Variants in ARL8B observed in about 807,000 individuals in gnomAD.
ARL8B encodes the protein ARF like GTPase 8B.
In ARL8B, 9 loss-of-function variants were observed where a neutral mutation model predicts 30.6. The observed-to-expected ratio is 0.29, with a 90% CI of 0.18 to 0.51. The LOEUF (loss-of-function observed/expected upper bound fraction) is 0.51. Among genes scored for constraint, ARL8B ranks in the 20% least tolerant of loss-of-function variants. The pLI is 0.97. For synonymous variants in ARL8B, 74 were observed against 76.0 expected (o/e 0.97, Z 0.14); for missense variants, 130 against 227.2 (o/e 0.57, Z 2.75).
At chr3:5,141,284 A>G (rs1476872340) in intron 1 of ARL8B, among the ~76,000 whole-genome samples, 1 of 152,044 alleles carries the variant, frequency 6.6e-6, no homozygotes. Flanking sequence ...TTTTCTCACA[A>G]ATTTCCTTCC....
intron 1 of ARL8B, among the ~76,000 whole-genome samples, chr3:5,160,633 C>T (rs560664742): frequency 1.3e-5 from 2 of 152,124 alleles, no homozygotes; most frequent in Non-Finnish European, 2.9e-5. Context: ...AGAATTGGAA[C>T]GACAGCATGT....
intron 1 of ARL8B, among the ~76,000 whole-genome samples, chr3:5,135,989 T>C (rs1267029519): frequency 1.3e-5 from 2 of 151,416 alleles, no homozygotes; most frequent in South Asian, 2.1e-4. Flanking sequence ...GGTTTCACCA[T>C]GTTGCCCAGG....
intron 1 of ARL8B, among the ~76,000 whole-genome samples, chr3:5,131,229 G>C (rs962673179): frequency 6.6e-6 from 1 of 151,642 alleles, no homozygotes; most frequent in Non-Finnish European, 1.5e-5. Context: ...AGCTCATTTT[G>C]TCCGGAGAAT....
chr3:5,163,699 G>A (rs1249239356), intron 1 of ARL8B, among the ~76,000 whole-genome samples: 1 of 152,082 alleles, frequency 6.6e-6, no homozygotes, highest in Non-Finnish European at 1.5e-5. Context: ...GCGAAACCCC[G>A]TCTCTACTAA....
At chr3:5,131,132 C>G (rs1310182346) in intron 1 of ARL8B, among the ~76,000 whole-genome samples, 1 of 151,970 alleles carries the variant, frequency 6.6e-6, no homozygotes, top group Non-Finnish European at 1.5e-5. Flanking sequence ...AGGCTGGTGT[C>G]AAACTCCTGT....
intron 6 of ARL8B, among the ~76,000 whole-genome samples, chr3:5,175,435 T>C (rs2054721169): frequency 6.6e-6 from 1 of 152,234 alleles, no homozygotes; most frequent in South Asian, 2.1e-4. Context: ...ATGGCATTTT[T>C]GAAATAAGAC....
At chr3:5,131,547 T>C (rs2054284127) in intron 1 of ARL8B, among the ~76,000 whole-genome samples, 1 of 151,920 alleles carries the variant, frequency 6.6e-6, no homozygotes, top group African/African-American at 2.4e-5. Flanking sequence ...CACGCCACCA[T>C]GGCCAGATAA....
intron 1 of ARL8B, among the ~76,000 whole-genome samples, chr3:5,141,315 G>T (rs1057503680): frequency 2.6e-5 from 4 of 152,084 alleles, no homozygotes; most frequent in African/African-American, 9.7e-5. Flanking sequence ...ACTTCCTTTG[G>T]TCTCATTTTC....
intron 1 of ARL8B, among the ~76,000 whole-genome samples, chr3:5,138,193 T>G (rs1259997548): frequency 1.3e-4 from 20 of 151,714 alleles, no homozygotes; most frequent in Admixed American, 4.6e-4. Context: ...GCTCTAAGTT[T>G]TTTTTTTTTT....
At chr3:5,133,707 C>A (rs1453501757) in intron 1 of ARL8B, among the ~76,000 whole-genome samples, 1 of 152,058 alleles carries the variant, frequency 6.6e-6, no homozygotes, top group Non-Finnish European at 1.5e-5. Context: ...GGGTGTGGAT[C>A]CTTTGAGCTC....
intron 1 of ARL8B, among the ~76,000 whole-genome samples, chr3:5,134,923 C>G (rs995846654): frequency 6.6e-6 from 1 of 152,234 alleles, no homozygotes; most frequent in Non-Finnish European, 1.5e-5. Flanking sequence ...TCTCAGCTCA[C>G]TGCAACCTCC....
chr3:5,166,214 ATTT>A (rs2054622492), intron 1 of ARL8B, among the ~76,000 whole-genome samples: 1 of 151,352 alleles, frequency 6.6e-6, no homozygotes, highest in South Asian at 2.1e-4. Context: ...TAATTTTTGT[ATTT>A]TTAGTACAGA....
chr3:5,129,704 G>A (rs60156256), intron 1 of ARL8B, among the ~76,000 whole-genome samples: 19,724 of 151,674 alleles, frequency 0.13, 1,462 homozygotes, highest in East Asian at 0.26. Flanking sequence ...ATGTCACTAC[G>A]CCTGGCTAAT....
At chr3:5,126,754 T>C (rs955252507) in intron 1 of ARL8B, among the ~76,000 whole-genome samples, 3 of 152,184 alleles carry the variant, frequency 2.0e-5, no homozygotes, top group Non-Finnish European at 4.4e-5. Context: ...ACCCTAGTCT[T>C]GTCTTTTCTG....
intron 1 of ARL8B, among the ~76,000 whole-genome samples, chr3:5,144,849 A>G (rs984698539): frequency 8.5e-5 from 13 of 152,268 alleles, no homozygotes; most frequent in South Asian, 2.1e-4. Context: ...CCATGTACCA[A>G]TTCTTTTCCC....
At chr3:5,132,035 G>C (rs754321652) in intron 1 of ARL8B, among the ~76,000 whole-genome samples, 7 of 152,128 alleles carry the variant, frequency 4.6e-5, no homozygotes, top group African/African-American at 1.4e-4. Context: ...GGCATGTGCC[G>C]TCATGCCCAG....
intron 1 of ARL8B, among the ~76,000 whole-genome samples, chr3:5,125,750 C>T (rs767898404): frequency 6.6e-6 from 1 of 152,156 alleles, no homozygotes; most frequent in Admixed American, 6.6e-5. Context: ...GCAGGCTGTT[C>T]TCGAACTCCT....
intron 1 of ARL8B, among the ~76,000 whole-genome samples, chr3:5,143,456 CAGTATCCCATCCTAGGGGAAAT>C (rs1559278828): frequency 6.6e-6 from 1 of 152,208 alleles, no homozygotes; most frequent in Non-Finnish European, 1.5e-5. Context: ...TCTTCAGGAT[CAGTATCCCATCCTAGGGGAAAT>C]GGAACCACCT....
chr3:5,179,900 G>T lies in ARL8B; in HGVS notation c.*1187G>T, dbSNP rs1468407185. Reference sequence around the variant, plus strand: ...ACTGAGGAACTGATGCTGTTTGTTTGCTTCTATGATACAGAGATGTCTAAA... The same window carrying T: ...ACTGAGGAACTGATGCTGTTTGTTTTCTTCTATGATACAGAGATGTCTAAA... On this transcript the variant is annotated 3_prime_UTR_variant, in exon 7 of 7. Transcript: ENST00000256496. 1 of 152,484 alleles carries T rather than the reference G, an allele frequency of 6.6e-6. No homozygotes were observed. Among genetic ancestry groups the T allele is most frequent in the Admixed American group, 6.5e-5 (1 of 15,268 alleles). The allele number at this position is 152,484 out of a possible 1,614,324, so 9.4% of individuals were successfully genotyped here. A position where few individuals can be genotyped will look rare whatever the true frequency, so the allele number is the denominator to read the frequency against.
Sources: allele counts gnomAD v4.1 joint callset (sites outside exome capture counted in the v4.1 genomes callset), GRCh38; gene constraint gnomAD v4.1.1; transcripts MANE v1.5; gene names NCBI Gene and HGNC (gene_info 2026-07-23, HGNC 2026-07-21).